The following KLF8 variants were observed in gnomAD, a reference collection of about 807,000 sequenced individuals.
KLF8 encodes Krueppel-like factor 8.
KLF8 carries 10 observed loss-of-function variants against 18.2 expected under a neutral mutation model. The ratio of observed to expected loss-of-function variants is 0.55; its 90% CI spans 0.34 to 0.93. KLF8 has a LOEUF of 0.93. KLF8 is among the 40% of genes least tolerant of loss of function. The pLI is 0.02. For synonymous variants in KLF8, 109 were observed against 97.3 expected (o/e 1.12, Z -0.71); for missense variants, 264 against 277.9 (o/e 0.95, Z 0.36).
chrX:56,030,754 G>T, the KLF8 span, among the ~76,000 whole-genome samples: 1 of 107,524 alleles, frequency 9.3e-6, no homozygotes, highest in African/African-American at 3.4e-5. Flanking sequence ...TAAGGGAGGG[G>T]CACTGTTGGT....
chrX:56,283,142 C>CT (rs2067222528), intron 5 of KLF8, among the ~76,000 whole-genome samples: 1 of 111,202 alleles, frequency 9.0e-6, no homozygotes, highest in Non-Finnish European at 1.9e-5. Context: ...TTTTATACTA[C>CT]TTTTTTTCCA....
chrX:56,262,653 A>AATT (rs746011852), intron 2 of KLF8, among the ~76,000 whole-genome samples: 62 of 110,234 alleles, frequency 5.6e-4, no homozygotes, highest in Middle Eastern at 4.7e-3. Context: ...TATTACAGTG[A>AATT]ATTATTATTA....
At chrX:56,273,277 G>T (rs1396232732) in intron 5 of KLF8, among the ~76,000 whole-genome samples, 1 of 110,778 alleles carries the variant, frequency 9.0e-6, no homozygotes, top group East Asian at 2.8e-4. Context: ...AGAGTAAAGG[G>T]GTATATCTGT....
At chrX:56,179,144 G>C in the KLF8 span, among the ~76,000 whole-genome samples, 2 of 111,471 alleles carry the variant, frequency 1.8e-5, no homozygotes, top group Admixed American at 9.6e-5. Flanking sequence ...TCTTCCATTT[G>C]TTTGTGCCCT....
rs1456939546 is a variant in KLF8, at chrX:56,289,837, A to G, written c.*5343A>G. 8.9e-6 allele frequency among the ~76,000 whole-genome samples: 1 copy of G among 111,856 alleles called. No individual in the cohort carries two copies. The highest frequency in any genetic ancestry group is 1.9e-5 in the Non-Finnish European group (1 of 53,156). ...TTTAGAACTCCAACAGCTCTTTGAA[A>G]CAAAGTGGTCTGCAAAATTCTGGAA... On this transcript the variant is annotated 3_prime_UTR_variant, in exon 6 of 6. Transcript: ENST00000468660.
chrX:56,129,059 T>A, the KLF8 span, among the ~76,000 whole-genome samples: 1 of 111,469 alleles, frequency 9.0e-6, no homozygotes, highest in African/African-American at 3.3e-5. Flanking sequence ...ACTGGTAGAG[T>A]TGAGCAGTGT....
At chrX:55,912,273 G>T in the KLF8 span, among the ~76,000 whole-genome samples, 2 of 111,027 alleles carry the variant, frequency 1.8e-5, no homozygotes, top group East Asian at 5.6e-4. Flanking sequence ...TACCTTAGAG[G>T]TTAGAGGTTC....
chrX:56,095,875 T>C, the KLF8 span, among the ~76,000 whole-genome samples: 1 of 111,627 alleles, frequency 9.0e-6, no homozygotes, highest in African/African-American at 3.2e-5. Flanking sequence ...ACAACCTCTA[T>C]GGAAAACACT....
intron 5 of KLF8, among the ~76,000 whole-genome samples, chrX:56,277,801 G>A (rs1010742344): frequency 8.9e-6 from 1 of 112,508 alleles, no homozygotes; most frequent in Non-Finnish European, 1.9e-5. Context: ...AGGAACTCTA[G>A]TCAAAACTTA....
chrX:56,198,883 A>T, the KLF8 span, among the ~76,000 whole-genome samples: 1 of 112,066 alleles, frequency 8.9e-6, no homozygotes, highest in Admixed American at 9.4e-5. Flanking sequence ...TACTGGTACC[A>T]AAAGAGAGTT....
At chrX:56,033,185 C>A in the KLF8 span, among the ~76,000 whole-genome samples, 1 of 111,256 alleles carries the variant, frequency 9.0e-6, no homozygotes, top group Non-Finnish European at 1.9e-5. Flanking sequence ...CCCCATTCCC[C>A]AACCCAACCT....
chrX:56,079,090 C>T, the KLF8 span, among the ~76,000 whole-genome samples: 1 of 111,144 alleles, frequency 9.0e-6, no homozygotes, highest in Non-Finnish European at 1.9e-5. Flanking sequence ...TTTCAAAAAA[C>T]CAGCTCCTGG....
At chrX:56,120,213 T>G in the KLF8 span, among the ~76,000 whole-genome samples, 2 of 110,979 alleles carry the variant, frequency 1.8e-5, no homozygotes, top group African/African-American at 6.5e-5. Context: ...GTCTCCTTTT[T>G]CTTATGCCAC....
At chrX:56,192,437 T>C in the KLF8 span, among the ~76,000 whole-genome samples, 1 of 111,583 alleles carries the variant, frequency 9.0e-6, no homozygotes, top group East Asian at 2.8e-4. Flanking sequence ...AAAACACTAA[T>C]GGCACTCTTT....
chrX:56,043,932 T>C, the KLF8 span, among the ~76,000 whole-genome samples: 1 of 112,708 alleles, frequency 8.9e-6, no homozygotes, highest in Admixed American at 9.4e-5. Context: ...TCTGTCTTTG[T>C]GGCTTTATCT....
At chrX:56,047,623 C>T in the KLF8 span, among the ~76,000 whole-genome samples, 27 of 111,140 alleles carry the variant, frequency 2.4e-4, no homozygotes, top group African/African-American at 8.5e-4. Context: ...GCAGAGTATT[C>T]CATGGTGTAT....
At chrX:56,173,199 C>T in the KLF8 span, among the ~76,000 whole-genome samples, 1 of 111,541 alleles carries the variant, frequency 9.0e-6, no homozygotes, top group South Asian at 3.7e-4. Flanking sequence ...AATGATATGG[C>T]CTAGGTTTTC....
At chrX:56,127,034 T>A in the KLF8 span, among the ~76,000 whole-genome samples, 4 of 110,459 alleles carry the variant, frequency 3.6e-5, no homozygotes, top group African/African-American at 1.3e-4. Flanking sequence ...ATTACAGATG[T>A]GAACCACCAT....
the KLF8 span, among the ~76,000 whole-genome samples, chrX:55,946,940 C>G: frequency 9.0e-6 from 1 of 111,616 alleles, no homozygotes; most frequent in African/African-American, 3.3e-5. Context: ...CAATGAGATA[C>G]CATCTCACAC....
Sources: allele counts gnomAD v4.1 joint callset (sites outside exome capture counted in the v4.1 genomes callset), GRCh38; gene constraint gnomAD v4.1.1; transcripts MANE v1.5; gene names NCBI Gene and HGNC (gene_info 2026-07-23, HGNC 2026-07-21).